NBEA: variants seen among roughly 807,000 people sequenced by gnomAD.
NBEA encodes neurobeachin.
NBEA carries 44 observed loss-of-function variants against 343.4 expected under a neutral mutation model. That is an observed-to-expected ratio of 0.13 (90% CI 0.10 to 0.16). The LOEUF is 0.16. Ranked by LOEUF, NBEA falls within the 10% of genes least tolerant of loss-of-function variation. The pLI is 1.00. For missense variants in NBEA, 2,555 were observed against 3,631.3 expected (o/e 0.70, Z 7.62); for synonymous variants, 1,175 against 1,238.7 (o/e 0.95, Z 1.08).
At position 35,425,439 on chromosome 13, in the gene NBEA, C is replaced by T. The variant is rs532465058; in HGVS notation, c.6180-6830C>T. Among the ~76,000 whole-genome samples the T allele has an allele frequency of 1.1e-3, 169 of 152,260 alleles. 3 individuals are homozygous for T. The South Asian group carries it at 0.033, about 29-fold the overall frequency. ...CATTCAGGAGCAGGTTGTTCAGTTT[C>T]CATGTAGTTGAGCGGTTTTGAGTGA... is the stretch of plus-strand genomic sequence containing the variant. On this transcript the variant is annotated intron_variant, in intron 38 of 58. Transcript: ENST00000379939.
chr13:35,125,893 G>A (rs2067106670), intron 17 of NBEA, among the ~76,000 whole-genome samples: 1 of 152,074 alleles, frequency 6.6e-6, no homozygotes, highest in Non-Finnish European at 1.5e-5. Context: ...ACAGAATTTG[G>A]AGAAGTAATC....
At chr13:35,345,276 C>G (rs2152859911) in intron 36 of NBEA, among the ~76,000 whole-genome samples, 1 of 152,056 alleles carries the variant, frequency 6.6e-6, no homozygotes, top group Non-Finnish European at 1.5e-5. Context: ...AAAACAATAT[C>G]TACAGAAAAC....
At chr13:35,419,562 A>C (rs751677060) in intron 38 of NBEA, among the ~76,000 whole-genome samples, 11 of 152,090 alleles carry the variant, frequency 7.2e-5, no homozygotes, top group Non-Finnish European at 1.5e-4. Flanking sequence ...AAATGTAATA[A>C]AACTCTAGAC....
At chr13:35,212,466 A>C (rs1407957544) in intron 33 of NBEA, among the ~76,000 whole-genome samples, 1 of 152,132 alleles carries the variant, frequency 6.6e-6, no homozygotes, top group Admixed American at 6.5e-5. Context: ...TGCTATATAG[A>C]TAAGGCCACT....
At chr13:35,075,271 G>A (rs2064062726) in intron 10 of NBEA, among the ~76,000 whole-genome samples, 2 of 152,092 alleles carry the variant, frequency 1.3e-5, no homozygotes, top group African/African-American at 4.8e-5. Context: ...GACATGTAAA[G>A]TATCTGTCAT....
chr13:35,659,174 A>T (rs2084952337), intron 55 of NBEA, among the ~76,000 whole-genome samples: 2 of 152,216 alleles, frequency 1.3e-5, no homozygotes, highest in South Asian at 4.1e-4. Flanking sequence ...GGTTGTATGT[A>T]TTAACCTATC....
chr13:35,335,364 T>G (rs930692276), intron 36 of NBEA, among the ~76,000 whole-genome samples: 2 of 152,152 alleles, frequency 1.3e-5, no homozygotes, highest in African/African-American at 4.8e-5. Flanking sequence ...ATTGGCTTTT[T>G]TCTATTTCTG....
At chr13:35,473,984 T>G (rs1409679508) in intron 41 of NBEA, among the ~76,000 whole-genome samples, 1 of 152,174 alleles carries the variant, frequency 6.6e-6, no homozygotes, top group Non-Finnish European at 1.5e-5. Context: ...TTTAAATTGT[T>G]TCTGTTGTAG....
At chr13:35,325,704 C>T (rs1022381872) in intron 36 of NBEA, among the ~76,000 whole-genome samples, 12 of 151,904 alleles carry the variant, frequency 7.9e-5, no homozygotes, top group Non-Finnish European at 1.5e-4. Context: ...ACATTCAAGA[C>T]GATTTATCAT....
chr13:35,212,688 G>A lies in NBEA; in HGVS notation c.5648+1509G>A, dbSNP rs767599255. Among the ~76,000 whole-genome samples, 156 of 152,204 alleles carry A rather than the reference G, an allele frequency of 1.0e-3. No individual in the cohort carries two copies. In the Middle Eastern group the frequency reaches 0.014, roughly 13 times the overall value. ...GTCTTGTTGCTTCATATCTTTGATAGGACTTAGTATTTAGTCTCTGTCATT... is the reference window on the plus strand; with the variant it reads ...GTCTTGTTGCTTCATATCTTTGATAAGACTTAGTATTTAGTCTCTGTCATT... On this transcript the variant is annotated intron_variant, in intron 33 of 58. Coordinates refer to ENST00000379939, the MANE Select transcript of NBEA (RefSeq NM_001385012.1).
intron 33 of NBEA, among the ~76,000 whole-genome samples, chr13:35,214,340 A>T (rs9600334): frequency 0.089 from 13,485 of 151,966 alleles, 637 homozygotes; most frequent in South Asian, 0.12. Context: ...GCAAAGTAGT[A>T]GTATCATTTT....
chr13:35,577,615 A>C, intron 45 of NBEA, among the ~76,000 whole-genome samples: 1 of 151,890 alleles, frequency 6.6e-6, no homozygotes, highest in South Asian at 2.1e-4. Context: ...TTTGCATAAA[A>C]TTTTTTTCTA....
At chr13:35,463,628 A>G (rs938210027) in intron 40 of NBEA, among the ~76,000 whole-genome samples, 5 of 152,132 alleles carry the variant, frequency 3.3e-5, no homozygotes, top group Non-Finnish European at 5.9e-5. Context: ...GCAAAAAAAA[A>G]CAAACCAGAA....
intron 33 of NBEA, among the ~76,000 whole-genome samples, chr13:35,224,341 A>G (rs1446547237): frequency 6.6e-6 from 1 of 152,190 alleles, no homozygotes; most frequent in Non-Finnish European, 1.5e-5. Context: ...TTGGCATACC[A>G]GCATACTGCA....
intron 38 of NBEA, among the ~76,000 whole-genome samples, chr13:35,375,800 T>C (rs1303776214): frequency 1.3e-5 from 2 of 152,148 alleles, no homozygotes; most frequent in East Asian, 1.9e-4. Context: ...GTCAGAAATA[T>C]TAGGGAATTT....
In NBEA at chr13:35,175,405, G is replaced by A. The variant is rs148976514; in HGVS notation, c.4555-1591G>A. 2.1e-4 allele frequency among the ~76,000 whole-genome samples: 32 copies of A among 152,212 alleles called. No homozygotes were observed. The East Asian group carries it at 5.4e-3, about 26-fold the overall frequency. On this transcript the variant is annotated intron_variant, in intron 27 of 58. Transcript: ENST00000379939. ...GACACTTAATATATTGTCGTGAAACGAATAAATAGTATTTTGAAGGTGACA... is the reference window on the plus strand; with the variant it reads ...GACACTTAATATATTGTCGTGAAACAAATAAATAGTATTTTGAAGGTGACA...
At chr13:35,263,866 A>G (rs2033435183) in intron 34 of NBEA, among the ~76,000 whole-genome samples, 1 of 152,004 alleles carries the variant, frequency 6.6e-6, no homozygotes, top group Non-Finnish European at 1.5e-5. Flanking sequence ...TCAAAGAATT[A>G]GAAAAACGAG....
chr13:35,116,577 A>G (rs2066502102), intron 13 of NBEA, among the ~76,000 whole-genome samples: 1 of 152,118 alleles, frequency 6.6e-6, no homozygotes. Flanking sequence ...GCTTGCAGAT[A>G]TAATAATCTT....
intron 8 of NBEA, among the ~76,000 whole-genome samples, chr13:35,061,918 T>C (rs2063481805): frequency 6.6e-6 from 1 of 151,762 alleles, no homozygotes; most frequent in East Asian, 1.9e-4. Flanking sequence ...GATATCCTTA[T>C]TTTTTGCTTT....
Sources: gnomAD v4.1 joint callset for allele counts (sites outside exome capture counted in the v4.1 genomes callset) on GRCh38, gnomAD v4.1.1 for gene constraint, MANE v1.5 for transcripts, NCBI Gene and HGNC (gene_info 2026-07-23, HGNC 2026-07-21) for gene names.